Variants in ARRB1 observed in about 807,000 individuals in gnomAD.
ARRB1 encodes the protein arrestin beta 1, also known as beta-arrestin-1.
In ARRB1, 21 loss-of-function variants were observed where a neutral mutation model predicts 56.8. That is an observed-to-expected ratio of 0.37 (90% confidence interval 0.26 to 0.53). The LOEUF is 0.53. Among genes scored for constraint, ARRB1 ranks in the 20% least tolerant of loss-of-function variants. ARRB1 has a pLI of 0.88. For synonymous variants in ARRB1, 210 were observed against 218.6 expected (o/e 0.96, Z 0.35); for missense variants, 424 against 553.7 (o/e 0.77, Z 2.35).
At position 75,301,790 on chromosome 11, in the gene ARRB1, C is replaced by T. The variant is rs183114825; in HGVS notation, c.21-11751G>A. 1.4e-3 allele frequency among the ~76,000 whole-genome samples: 218 copies of T among 152,274 alleles called. 1 individual carries two copies. Among genetic ancestry groups the T allele is most frequent in the African/African-American group, 5.1e-3 (210 of 41,548 alleles). On this transcript the variant is annotated intron_variant, in intron 1 of 15. Coordinates refer to ENST00000420843, the MANE Select transcript of ARRB1 (RefSeq NM_004041.5). ...TAGCAGAGTTATTTGTGTACCGGCT[C>T]GTCTGCTCTGCCAGAATTTCCCAGC...
chr11:75,277,521 C>A (rs1449156720), intron 8 of ARRB1, 73 bp from the exon 9 acceptor site: 13 of 1,363,192 alleles, frequency 9.5e-6, no homozygotes, highest in African/African-American at 1.4e-5. Flanking sequence ...GGGAGAAAAG[C>A]CCCCACGCGA....
At chr11:75,300,967 C>CAAAAAAAAAAA (rs149559322) in intron 1 of ARRB1, among the ~76,000 whole-genome samples, 1 of 76,752 alleles carries the variant, frequency 1.3e-5, no homozygotes, top group African/African-American at 5.6e-5. Flanking sequence ...GACTCCGTCT[C>CAAAAAAAAAAA]AAAAAAAAAA....
intron 1 of ARRB1, among the ~76,000 whole-genome samples, chr11:75,298,580 C>T (rs1014587935): frequency 1.3e-5 from 2 of 152,116 alleles, no homozygotes; most frequent in Non-Finnish European, 2.9e-5. Flanking sequence ...TCATACATCG[C>T]TGGTGGGAAT....
chr11:75,287,778 C>T (rs750475568), intron 2 of ARRB1, among the ~76,000 whole-genome samples: 57 of 152,338 alleles, frequency 3.7e-4, no homozygotes, highest in East Asian at 9.6e-4. Flanking sequence ...GCTCTGAACG[C>T]GGGCCGCGCT....
chr11:75,350,535 C>G (rs1006017845), intron 1 of ARRB1, among the ~76,000 whole-genome samples: 2 of 152,230 alleles, frequency 1.3e-5, no homozygotes, highest in Non-Finnish European at 2.9e-5. Context: ...AGCGCTGGTC[C>G]TGTCTGAAGG....
chr11:75,314,885 G>A (rs1032477273), intron 1 of ARRB1, among the ~76,000 whole-genome samples: 8 of 152,186 alleles, frequency 5.3e-5, no homozygotes, highest in Admixed American at 1.3e-4. Flanking sequence ...AGGATTACAG[G>A]CGTGAGCCAC....
At chr11:75,329,553 T>C (rs560271447) in intron 1 of ARRB1, among the ~76,000 whole-genome samples, 33 of 152,288 alleles carry the variant, frequency 2.2e-4, no homozygotes, top group Middle Eastern at 3.4e-3. Flanking sequence ...AAGCTGTCTC[T>C]TTGTGTAAGA....
Position 75,323,168 on chromosome 11 carries a change from G to A in ARRB1, c.20+28420C>T, listed in dbSNP as rs1947375302. On this transcript the variant is annotated intron_variant, in intron 1 of 15. Coordinates refer to ENST00000420843, the MANE Select transcript of ARRB1 (RefSeq NM_004041.5). ...CCTTGTGCCACCTGCAGCCATCAGA[G>A]AGACCCTAAGCCAGAACTGCCCAGC... Among the ~76,000 whole-genome samples the A allele has an allele frequency of 4.6e-5, 7 of 152,344 alleles. No homozygotes were observed. The South Asian group carries it at 1.5e-3, about 32-fold the overall frequency.
intron 7 of ARRB1, 39 bp downstream of exon 7, chr11:75,281,036 T>C: frequency 6.3e-7 from 1 of 1,578,508 alleles, no homozygotes; most frequent in Non-Finnish European, 8.6e-7. Flanking sequence ...TCTCCCTCCC[T>C]CACCCAGCAG....
chr11:75,284,198 G>A (rs201698501), intron 4 of ARRB1, 37 bp downstream of exon 4: 110 of 1,577,244 alleles, frequency 7.0e-5, no homozygotes, highest in African/African-American at 1.5e-4. Flanking sequence ...AAGAGGAGGC[G>A]GCCCTTGACA....
Position 75,265,751 on chromosome 11 carries a change from C to T in ARRB1, c.*412G>A, listed in dbSNP as rs999828552. ...TTAGCTGCCAGAACTTTGTTAACCA[C>T]CTGGGACCGTGGACATCTTCTCTCG... On this transcript the variant is annotated 3_prime_UTR_variant, in exon 16 of 16. Coordinates refer to ENST00000420843, the MANE Select transcript of ARRB1 (RefSeq NM_004041.5). 6 of 216,264 alleles carry T rather than the reference C, an allele frequency of 2.8e-5. No homozygotes were observed. Among genetic ancestry groups the T allele is most frequent in the Non-Finnish European group, 5.6e-5 (6 of 106,404 alleles). The allele number at this position is 216,264 out of a possible 1,614,324, so 13.4% of individuals were successfully genotyped here. A position where few individuals can be genotyped will look rare whatever the true frequency, so the allele number is the denominator to read the frequency against.
At chr11:75,339,729 A>G (rs1453243405) in intron 1 of ARRB1, among the ~76,000 whole-genome samples, 1 of 152,084 alleles carries the variant, frequency 6.6e-6, no homozygotes, top group African/African-American at 2.4e-5. Flanking sequence ...CTCCCAATAC[A>G]TCTGAGCAGC....
intron 1 of ARRB1, among the ~76,000 whole-genome samples, chr11:75,311,857 G>A (rs1947168623): frequency 6.6e-6 from 1 of 152,310 alleles, no homozygotes; most frequent in Admixed American, 6.5e-5. Context: ...CTGCTGGCCT[G>A]TGACACCCTC....
chr11:75,318,138 C>A (rs1472737153), intron 1 of ARRB1, among the ~76,000 whole-genome samples: 2 of 143,400 alleles, frequency 1.4e-5, no homozygotes, highest in East Asian at 2.1e-4. Flanking sequence ...TGGGAATAAG[C>A]ATTTCTAACT....
At chr11:75,312,237 C>T in intron 1 of ARRB1, 2 of 1,018,938 alleles carry the variant, frequency 2.0e-6, no homozygotes, top group African/African-American at 1.7e-5. Context: ...CCGCCAGGAA[C>T]TGAGAACAGG....
chr11:75,314,540 T>C (rs1389333193), intron 1 of ARRB1, among the ~76,000 whole-genome samples: 1 of 152,142 alleles, frequency 6.6e-6, no homozygotes, highest in African/African-American at 2.4e-5. Flanking sequence ...GAGCAATGGT[T>C]AAGGCTTTGG....
intron 1 of ARRB1, among the ~76,000 whole-genome samples, chr11:75,304,701 A>T (rs1042946414): frequency 3.9e-5 from 6 of 151,936 alleles, no homozygotes; most frequent in African/African-American, 1.4e-4. Flanking sequence ...TGCTGCCTGC[A>T]TAATGCACAT....
chr11:75,305,025 T>TC (rs1250446160), intron 1 of ARRB1, among the ~76,000 whole-genome samples: 6 of 138,298 alleles, frequency 4.3e-5, no homozygotes, highest in Non-Finnish European at 6.3e-5. Flanking sequence ...TTTCTTTTTT[T>TC]TTTTTTTTTT....
rs567511558 is a variant in ARRB1 at position 75,311,690 on chromosome 11, T to A, written c.21-21651A>T. 1.7e-3 allele frequency among the ~76,000 whole-genome samples: 252 copies of A among 152,168 alleles called. 3 individuals carry two copies. Among genetic ancestry groups the A allele is most frequent in the Non-Finnish European group, 2.5e-3 (171 of 67,988 alleles). ...ACACAGGCAAACAAAAAAAGTAAGG[T>A]CCAGTGAAGGCAGATGGTGAGCCCC... On this transcript the variant is annotated intron_variant, in intron 1 of 15. Transcript: ENST00000420843.
Sources: allele counts gnomAD v4.1 joint callset (sites outside exome capture counted in the v4.1 genomes callset), GRCh38; gene constraint gnomAD v4.1.1; transcripts MANE v1.5; gene names NCBI Gene and HGNC (gene_info 2026-07-23, HGNC 2026-07-21).